PPM1L: variants seen among roughly 807,000 people sequenced by gnomAD.
PPM1L encodes the protein protein phosphatase 1L.
Under a neutral mutation model 31.4 loss-of-function variants are expected in PPM1L, and 13 were observed. The ratio of observed to expected loss-of-function variants is 0.41; its 90% confidence interval spans 0.27 to 0.66. PPM1L has a LOEUF of 0.66. Among genes scored for constraint, PPM1L ranks in the 30% least tolerant of loss-of-function variants. The pLI is 0.29. For missense variants in PPM1L, 326 were observed against 453.7 expected, an observed-to-expected ratio of 0.72 and a Z score of 2.56; for synonymous variants, 184 against 175.4, an observed-to-expected ratio of 1.05 and a Z score of -0.39.
intron 1 of PPM1L, among the ~76,000 whole-genome samples, chr3:160,802,459 A>G (rs913701592): frequency 6.6e-6 from 1 of 152,280 alleles, no homozygotes; most frequent in East Asian, 1.9e-4. Flanking sequence ...GAACGTTTTT[A>G]TTTTGAAAAG....
At chr3:160,884,890 T>C (rs937448492) in intron 1 of PPM1L, among the ~76,000 whole-genome samples, 1 of 152,214 alleles carries the variant, frequency 6.6e-6, no homozygotes, top group Non-Finnish European at 1.5e-5. Context: ...GGAGATTTAG[T>C]GTGTGGGATT....
chr3:161,032,155 T>C (rs577388222), intron 2 of PPM1L, among the ~76,000 whole-genome samples: 1 of 152,328 alleles, frequency 6.6e-6, no homozygotes, highest in East Asian at 1.9e-4. Context: ...CACCAAATGG[T>C]TAAAGTGGAG....
At chr3:161,066,778 C>A (rs975824372) in intron 3 of PPM1L, among the ~76,000 whole-genome samples, 1 of 152,134 alleles carries the variant, frequency 6.6e-6, no homozygotes, top group Admixed American at 6.5e-5. Flanking sequence ...CATTGACTCT[C>A]GATCTCTACA....
intron 2 of PPM1L, among the ~76,000 whole-genome samples, chr3:161,033,637 A>T (rs1718648810): frequency 6.6e-6 from 1 of 152,214 alleles, no homozygotes; most frequent in South Asian, 2.1e-4. Context: ...CTGGCTAGCT[A>T]TATGTAGAAA....
intron 1 of PPM1L, among the ~76,000 whole-genome samples, chr3:160,833,967 G>T (rs1713612371): frequency 6.6e-6 from 1 of 151,470 alleles, no homozygotes; most frequent in South Asian, 2.1e-4. Context: ...GTAAGGAAGG[G>T]GTCCAGTGTC....
chr3:160,840,054 G>A (rs777456222), intron 1 of PPM1L, among the ~76,000 whole-genome samples: 13 of 152,166 alleles, frequency 8.5e-5, no homozygotes, highest in Non-Finnish European at 1.9e-4. Context: ...TTAAGTGAAG[G>A]TAACTGATTT....
At chr3:160,968,844 C>T (rs1180903881) in intron 2 of PPM1L, among the ~76,000 whole-genome samples, 2 of 152,174 alleles carry the variant, frequency 1.3e-5, no homozygotes, top group Admixed American at 6.5e-5. Context: ...TGTTGCAGGC[C>T]TCAAGATAGT....
chr3:160,782,126 A>T (rs1560105654), intron 1 of PPM1L, among the ~76,000 whole-genome samples: 1 of 152,022 alleles, frequency 6.6e-6, no homozygotes, highest in Non-Finnish European at 1.5e-5. Context: ...CTCCAAGAAG[A>T]AACCCTGTGT....
At chr3:160,944,923 G>T (rs1715325489) in intron 1 of PPM1L, among the ~76,000 whole-genome samples, 1 of 57,798 alleles carries the variant, frequency 1.7e-5, no homozygotes, top group Non-Finnish European at 3.3e-5. Context: ...AATATATAGT[G>T]GAGATATATA....
rs1284665214 is a variant in PPM1L, at chr3:160,756,750, C to CGTGTGTGTGTGTGTG, written c.399+43_399+44insGTGTGTGTGTGTGTG. On this transcript the variant is annotated intron_variant, in intron 1 of 3. Coordinates refer to ENST00000498165, the MANE Select transcript of PPM1L (RefSeq NM_139245.4). This position sits in a 1 kb window ranked among gnomAD's most constrained non-coding sequence, Gnocchi z 6.2. The stretch of plus-strand genomic sequence containing the variant: ...GCTTTGTATTTGTGTCCGTGTATGT[C>CGTGTGTGTGTGTGTG]TCGTGTGTGTGTGTGTGTGTGTGTG... 1 of 1,239,518 alleles carries CGTGTGTGTGTGTGTG rather than the reference C, an allele frequency of 8.1e-7. No individual in the cohort carries two copies. The highest frequency in any genetic ancestry group is 2.7e-5 in the East Asian group (1 of 36,852). The allele number at this position is 1,239,518 out of a possible 1,614,324, so 76.8% of individuals were successfully genotyped here. A position where few individuals can be genotyped will look rare whatever the true frequency, so the allele number is the denominator to read the frequency against.
chr3:160,955,751 C>T (rs971589513), intron 1 of PPM1L, among the ~76,000 whole-genome samples: 4 of 150,980 alleles, frequency 2.6e-5, no homozygotes, highest in South Asian at 4.2e-4. Flanking sequence ...CCTGGGTTCA[C>T]GCCATTCTCC....
chr3:160,890,713 C>T (rs984124597), intron 1 of PPM1L, among the ~76,000 whole-genome samples: 5 of 152,166 alleles, frequency 3.3e-5, no homozygotes, highest in African/African-American at 1.2e-4. Flanking sequence ...ATCATGCTAC[C>T]TGACTTCAAA....
At position 161,075,534 on chromosome 3, in the gene PPM1L, T is replaced by C. The variant is rs1405644173; in HGVS notation, c.*6377T>C. ...TTAAAGCTTCCTTTTGTAGGACTGATGGCACGGGCAGAATCACATTTAAGA... is the reference window on the plus strand; with the variant it reads ...TTAAAGCTTCCTTTTGTAGGACTGACGGCACGGGCAGAATCACATTTAAGA... On this transcript the variant is annotated 3_prime_UTR_variant, in exon 4 of 4. Transcript: ENST00000498165. 1 of 152,208 alleles carries C rather than the reference T, an allele frequency of 6.6e-6. No homozygotes were observed. Among genetic ancestry groups the C allele is most frequent in the Non-Finnish European group, 1.5e-5 (1 of 68,040 alleles). 9.4% of individuals were successfully genotyped at this position (152,208 alleles called of 1,614,324 possible).
chr3:160,924,182 A>C (rs1269617011), intron 1 of PPM1L, among the ~76,000 whole-genome samples: 1 of 152,222 alleles, frequency 6.6e-6, no homozygotes, highest in Non-Finnish European at 1.5e-5. Flanking sequence ...CCAGGGAAAT[A>C]ATTATCCTCT....
At chr3:160,918,696 G>C (rs1254860121) in intron 1 of PPM1L, among the ~76,000 whole-genome samples, 3 of 152,044 alleles carry the variant, frequency 2.0e-5, no homozygotes, top group Non-Finnish European at 4.4e-5. Flanking sequence ...TTTTGCAAGT[G>C]ATACTTTAAG....
intron 2 of PPM1L, among the ~76,000 whole-genome samples, chr3:161,044,384 ATTTT>A (rs1166105954): frequency 7.3e-6 from 1 of 136,666 alleles, no homozygotes; most frequent in Non-Finnish European, 1.7e-5. Context: ...TTATTTATTT[ATTTT>A]TTAGTGGGAG....
intron 1 of PPM1L, among the ~76,000 whole-genome samples, chr3:160,761,608 G>A (rs1400146553): frequency 3.9e-5 from 6 of 152,082 alleles, no homozygotes; most frequent in Non-Finnish European, 8.8e-5. Flanking sequence ...ACATTCATCT[G>A]GTACATGAAC....
intron 1 of PPM1L, among the ~76,000 whole-genome samples, chr3:160,895,158 C>T (rs926697846): frequency 2.0e-5 from 3 of 152,146 alleles, no homozygotes; most frequent in Non-Finnish European, 2.9e-5. Context: ...CTTGACTTGC[C>T]ATTGGAAGAC....
intron 2 of PPM1L, among the ~76,000 whole-genome samples, chr3:160,983,109 T>C (rs564399983): frequency 6.6e-6 from 1 of 152,318 alleles, no homozygotes; most frequent in East Asian, 1.9e-4. Context: ...AATCAGCTTG[T>C]GAGAAGTATT....
Sources: allele counts gnomAD v4.1 joint callset (sites outside exome capture counted in the v4.1 genomes callset), GRCh38; gene constraint gnomAD v4.1.1; non-coding constraint Gnocchi (gnomAD v3.1); transcripts MANE v1.5; gene names NCBI Gene and HGNC (gene_info 2026-07-23, HGNC 2026-07-21).